Variants in NUBPL observed in about 807,000 individuals in gnomAD.
NUBPL encodes iron-sulfur cluster transfer protein NUBPL.
In NUBPL, 31 loss-of-function variants were observed where a neutral mutation model predicts 45.7. The ratio of observed to expected loss-of-function variants is 0.68; its 90% confidence interval spans 0.51 to 0.92. The LOEUF (loss-of-function observed/expected upper bound fraction) is 0.92. Among genes scored for constraint, NUBPL ranks in the 40% least tolerant of loss-of-function variants. The pLI is 0.00. For missense variants in NUBPL, 401 were observed against 398.7 expected, an observed-to-expected ratio of 1.01 and a Z score of -0.05; for synonymous variants, 144 against 140.9, an observed-to-expected ratio of 1.02 and a Z score of -0.15.
chr14:31,643,375 A>G (rs1595422850), intron 4 of NUBPL, among the ~76,000 whole-genome samples: 1 of 152,078 alleles, frequency 6.6e-6, no homozygotes, highest in Non-Finnish European at 1.5e-5. Flanking sequence ...GTTGAATTTT[A>G]TTGAATGCTT....
At chr14:31,837,422 C>G (rs570878081) in intron 8 of NUBPL, among the ~76,000 whole-genome samples, 2 of 152,198 alleles carry the variant, frequency 1.3e-5, no homozygotes, top group South Asian at 2.1e-4. Context: ...GGAGAACTAC[C>G]AAAATAGCTT....
intron 6 of NUBPL, among the ~76,000 whole-genome samples, chr14:31,731,371 C>G (rs4981119): frequency 0.3 from 45,296 of 152,106 alleles, 7,561 homozygotes; most frequent in South Asian, 0.41. Context: ...TCCATCATTA[C>G]CTTATATAAT....
chr14:31,722,708 A>G (rs1044992746), intron 6 of NUBPL, among the ~76,000 whole-genome samples: 1 of 152,082 alleles, frequency 6.6e-6, no homozygotes, highest in Non-Finnish European at 1.5e-5. Flanking sequence ...GCTTGTTTTC[A>G]TATGTTTGTT....
At chr14:31,596,011 A>G (rs554962190) in intron 3 of NUBPL, among the ~76,000 whole-genome samples, 87 of 149,814 alleles carry the variant, frequency 5.8e-4, no homozygotes, top group South Asian at 4.8e-3. Context: ...GGTTCATGCC[A>G]TTCTCCTGCC....
intron 6 of NUBPL, among the ~76,000 whole-genome samples, chr14:31,677,220 C>A (rs1171057297): frequency 6.6e-6 from 1 of 152,042 alleles, no homozygotes; most frequent in Non-Finnish European, 1.5e-5. Context: ...TTAAAATGTA[C>A]CATCAAATTA....
intron 7 of NUBPL, among the ~76,000 whole-genome samples, chr14:31,790,255 T>C (rs2138827219): frequency 6.6e-6 from 1 of 152,364 alleles, no homozygotes; most frequent in East Asian, 1.9e-4. Context: ...TTTTAGTTTG[T>C]ATTTATACTC....
chr14:31,639,395 C>T (rs1349002842), intron 4 of NUBPL, among the ~76,000 whole-genome samples: 5 of 152,142 alleles, frequency 3.3e-5, no homozygotes, highest in Admixed American at 6.5e-5. Context: ...TGCAGAACAG[C>T]GGATTTCGTG....
intron 6 of NUBPL, among the ~76,000 whole-genome samples, chr14:31,694,144 C>T (rs181415545): frequency 8.6e-5 from 13 of 151,894 alleles, no homozygotes; most frequent in Admixed American, 5.9e-4. Context: ...CGTGAGCCAC[C>T]GTGCCTGGCC....
At chr14:31,574,456 G>A (rs1055579940) in intron 3 of NUBPL, among the ~76,000 whole-genome samples, 1 of 151,778 alleles carries the variant, frequency 6.6e-6, no homozygotes, top group Admixed American at 6.6e-5. Context: ...TTAGAGACAA[G>A]CTTTTGCCAT....
intron 6 of NUBPL, among the ~76,000 whole-genome samples, chr14:31,767,977 A>G (rs1423102072): frequency 6.6e-6 from 1 of 152,206 alleles, no homozygotes; most frequent in Non-Finnish European, 1.5e-5. Context: ...AGTGTTAGTC[A>G]TTAGTCTTGG....
intron 6 of NUBPL, among the ~76,000 whole-genome samples, chr14:31,778,327 C>G (rs1191059582): frequency 6.6e-6 from 1 of 152,032 alleles, no homozygotes; most frequent in African/African-American, 2.4e-5. Flanking sequence ...AACAAACAAA[C>G]AAGCCAAAAA....
intron 6 of NUBPL, among the ~76,000 whole-genome samples, chr14:31,762,934 G>T (rs563102463): frequency 6.6e-6 from 1 of 152,276 alleles, no homozygotes; most frequent in Admixed American, 6.5e-5. Context: ...TGATTGAGAG[G>T]ACTTAGCCAA....
intron 4 of NUBPL, among the ~76,000 whole-genome samples, chr14:31,652,746 A>G (rs766369750): frequency 2.0e-5 from 3 of 152,178 alleles, no homozygotes; most frequent in Non-Finnish European, 4.4e-5. Flanking sequence ...CCTTTGTACC[A>G]AAGACCCTGT....
chr14:31,751,338 G>A lies in NUBPL; in HGVS notation c.514-36442G>A, dbSNP rs184040414. 2.0e-3 allele frequency among the ~76,000 whole-genome samples: 311 copies of A among 152,322 alleles called. 1 individual carries two copies. The highest frequency in any genetic ancestry group is 6.9e-3 in the African/African-American group (287 of 41,566). Reference sequence around the variant, plus strand: ...CAAGGCAAGTCCCTTCCGCCTATGAGCTTGTAAAATAAAAAACAAGTTAGT... The same window carrying A: ...CAAGGCAAGTCCCTTCCGCCTATGAACTTGTAAAATAAAAAACAAGTTAGT... On this transcript the variant is annotated intron_variant, in intron 6 of 10. Coordinates refer to ENST00000281081, the MANE Select transcript of NUBPL (RefSeq NM_025152.3).
At chr14:31,789,174 AAGTT>A (rs1055689979) in intron 7 of NUBPL, among the ~76,000 whole-genome samples, 1 of 151,972 alleles carries the variant, frequency 6.6e-6, no homozygotes, top group Non-Finnish European at 1.5e-5. Flanking sequence ...AAAATACAAA[AAGTT>A]AGCCAGGTGT....
intron 6 of NUBPL, among the ~76,000 whole-genome samples, chr14:31,692,820 A>G (rs1323259104): frequency 1.3e-5 from 2 of 152,236 alleles, no homozygotes; most frequent in South Asian, 2.1e-4. Context: ...TGAGTCCCCT[A>G]AGTACCTCTC....
In NUBPL at chr14:31,631,469, T is replaced by TAC. The variant is rs914378149; in HGVS notation, c.382+32103_382+32104dup. Among the ~76,000 whole-genome samples, 5 of 141,078 alleles carry TAC rather than the reference T, an allele frequency of 3.5e-5. No homozygotes were observed. In the East Asian group the frequency reaches 8.7e-4, roughly 25 times the overall value. The allele number at this position is 141,078 out of a possible 152,430, so 92.6% of individuals were successfully genotyped here. A position where few individuals can be genotyped will look rare whatever the true frequency, so the allele number is the denominator to read the frequency against. On this transcript the variant is annotated intron_variant, in intron 4 of 10. Coordinates refer to ENST00000281081, the MANE Select transcript of NUBPL (RefSeq NM_025152.3). ...TTCTCCAGGGAAATAGAACCAATAA[T>TAC]ACACACACACACACCCCCACCCCAC...
intron 1 of NUBPL, 58 bp downstream of exon 1, chr14:31,561,605 G>A: frequency 1.8e-6 from 2 of 1,124,322 alleles, no homozygotes; most frequent in Non-Finnish European, 2.3e-6. Context: ...CTGCAGGGCC[G>A]CAGATGCCCT....
chr14:31,733,550 T>G (rs2038099955), intron 6 of NUBPL, among the ~76,000 whole-genome samples: 1 of 152,136 alleles, frequency 6.6e-6, no homozygotes, highest in African/African-American at 2.4e-5. Flanking sequence ...GGTACATATT[T>G]TGTTGGTTTT....
Sources: allele counts gnomAD v4.1 joint callset (sites outside exome capture counted in the v4.1 genomes callset), GRCh38; gene constraint gnomAD v4.1.1; transcripts MANE v1.5; gene names NCBI Gene and HGNC (gene_info 2026-07-23, HGNC 2026-07-21).